Variants in ARHGAP15 observed in about 807,000 individuals in gnomAD.
The protein encoded by ARHGAP15 is Rho GTPase activating protein 15.
Under a neutral mutation model 63.7 loss-of-function variants are expected in ARHGAP15, and 51 were observed. That is an observed-to-expected ratio of 0.80 (90% CI 0.64 to 1.01). ARHGAP15 has a LOEUF of 1.01. ARHGAP15 is among the 50% of genes least tolerant of loss of function. The probability of loss-of-function intolerance (pLI) is 0.00; values close to 1 mark genes in which losing one functional copy is unlikely to be tolerated. For synonymous variants in ARHGAP15, 191 were observed against 193.8 expected, an observed-to-expected ratio of 0.99 and a Z score of 0.12; for missense variants, 560 against 564.6, an observed-to-expected ratio of 0.99 and a Z score of 0.08.
rs1318414488 is a variant in ARHGAP15, at chr2:143,250,782, A to T, written c.474+182A>T. 3.3e-5 allele frequency among the ~76,000 whole-genome samples: 5 copies of T among 152,074 alleles called. No individual in the cohort carries two copies. In the East Asian group the frequency reaches 9.6e-4, roughly 29 times the overall value. ...TGGTTTTGTTGCTTTTTTTCTGGCGACTGGTTGCTATCTAAACACAAAATG... is the reference window on the plus strand; with the variant it reads ...TGGTTTTGTTGCTTTTTTTCTGGCGTCTGGTTGCTATCTAAACACAAAATG... On this transcript the variant is annotated intron_variant, in intron 6 of 13. Coordinates refer to ENST00000295095, the MANE Select transcript of ARHGAP15 (RefSeq NM_018460.4).
intron 11 of ARHGAP15, among the ~76,000 whole-genome samples, chr2:143,619,973 G>A (rs563114133): frequency 3.3e-5 from 5 of 152,244 alleles, no homozygotes; most frequent in Non-Finnish European, 5.9e-5. Flanking sequence ...TGTTGATCCC[G>A]TTCAAGAAAC....
At chr2:143,703,076 G>GTCAC (rs1322403100) in intron 12 of ARHGAP15, among the ~76,000 whole-genome samples, 1 of 152,202 alleles carries the variant, frequency 6.6e-6, no homozygotes, top group Non-Finnish European at 1.5e-5. Flanking sequence ...AGATCAGGAA[G>GTCAC]ATAATGTCAA....
Position 143,318,092 on chromosome 2 carries a change from G to A in ARHGAP15, c.474+67492G>A, listed in dbSNP as rs757112041. On this transcript the variant is annotated intron_variant, in intron 6 of 13. Transcript: ENST00000295095. The stretch of plus-strand genomic sequence containing the variant: ...CAGCTCAATGCAACCTCCGCCTCCC[G>A]GGTTCAAGCAATTCTCTTGCCCCAG... Among the ~76,000 whole-genome samples the A allele has an allele frequency of 2.5e-4, 38 of 151,744 alleles. 1 individual carries two copies. Among genetic ancestry groups the A allele is most frequent in the Non-Finnish European group, 2.9e-5 (2 of 67,954 alleles).
chr2:143,663,990 T>A (rs1004191381), intron 12 of ARHGAP15, among the ~76,000 whole-genome samples: 44 of 151,686 alleles, frequency 2.9e-4, no homozygotes, highest in African/African-American at 1.0e-3. Flanking sequence ...ACTGTCAACA[T>A]TAGACAGATC....
At chr2:143,220,210 A>T (rs1457428567) in intron 4 of ARHGAP15, among the ~76,000 whole-genome samples, 1 of 151,862 alleles carries the variant, frequency 6.6e-6, no homozygotes, top group Non-Finnish European at 1.5e-5. Context: ...GTTGCTTGTC[A>T]ATTTTTCTTT....
chr2:143,539,289 G>T (rs1694931324), intron 10 of ARHGAP15, among the ~76,000 whole-genome samples: 1 of 151,918 alleles, frequency 6.6e-6, no homozygotes, highest in Admixed American at 6.6e-5. Context: ...TATTAGTCTT[G>T]CTAGCGGTCT....
intron 2 of ARHGAP15, among the ~76,000 whole-genome samples, chr2:143,196,592 C>T (rs1473921601): frequency 6.6e-6 from 1 of 151,828 alleles, no homozygotes; most frequent in Non-Finnish European, 1.5e-5. Context: ...TGTCAGGGCC[C>T]CTTTTCTTTT....
chr2:143,557,736 ACT>A (rs1425033027), intron 11 of ARHGAP15, among the ~76,000 whole-genome samples: 4 of 152,078 alleles, frequency 2.6e-5, no homozygotes, highest in South Asian at 4.1e-4. Flanking sequence ...ATACATGTTA[ACT>A]CTCTGTACTT....
At chr2:143,491,908 T>C (rs1373431517) in intron 9 of ARHGAP15, among the ~76,000 whole-genome samples, 1 of 152,000 alleles carries the variant, frequency 6.6e-6, no homozygotes, top group African/African-American at 2.4e-5. Flanking sequence ...TGGAGATGGA[T>C]TCTCACTCTG....
At chr2:143,387,769 T>C (rs1687351246) in intron 6 of ARHGAP15, among the ~76,000 whole-genome samples, 1 of 151,420 alleles carries the variant, frequency 6.6e-6, no homozygotes, top group Non-Finnish European at 1.5e-5. Flanking sequence ...AGTTCTTAAC[T>C]GCTACTCCAG....
At chr2:143,473,053 C>A (rs565517766) in intron 8 of ARHGAP15, among the ~76,000 whole-genome samples, 3 of 152,140 alleles carry the variant, frequency 2.0e-5, no homozygotes, top group East Asian at 1.9e-4. Flanking sequence ...CAAACTAGAA[C>A]GTGAAGACCC....
chr2:143,281,150 G>T (rs981370807), intron 6 of ARHGAP15, among the ~76,000 whole-genome samples: 3 of 152,110 alleles, frequency 2.0e-5, no homozygotes, highest in African/African-American at 7.2e-5. Flanking sequence ...AGTGGTAAAA[G>T]ACAGGCCCAG....
At chr2:143,429,293 TG>T (rs139472182) in intron 6 of ARHGAP15, among the ~76,000 whole-genome samples, 114 of 149,624 alleles carry the variant, frequency 7.6e-4, no homozygotes, top group African/African-American at 2.7e-3. Flanking sequence ...AAAGTTAGAG[TG>T]GGCAAGTAAT....
chr2:143,153,768 A>G (rs894443508), intron 1 of ARHGAP15, among the ~76,000 whole-genome samples: 13 of 150,668 alleles, frequency 8.6e-5, no homozygotes, highest in African/African-American at 2.4e-4. Flanking sequence ...AAATGAAATT[A>G]TATAATAAAT....
At chr2:143,457,168 T>G (rs1034551961) in intron 8 of ARHGAP15, among the ~76,000 whole-genome samples, 7 of 152,168 alleles carry the variant, frequency 4.6e-5, no homozygotes, top group African/African-American at 1.7e-4. Context: ...ATTTAACAGA[T>G]TCTGTTCAGA....
intron 6 of ARHGAP15, among the ~76,000 whole-genome samples, chr2:143,369,999 C>T (rs1397741111): frequency 6.6e-6 from 1 of 152,064 alleles, no homozygotes; most frequent in Non-Finnish European, 1.5e-5. Flanking sequence ...ATTATGCTGT[C>T]ATAAGGTAGC....
At chr2:143,577,774 C>A (rs1378142255) in intron 11 of ARHGAP15, among the ~76,000 whole-genome samples, 2 of 152,136 alleles carry the variant, frequency 1.3e-5, no homozygotes, top group East Asian at 3.8e-4. Context: ...AACAAGGTAA[C>A]AAGCCCCCTA....
intron 6 of ARHGAP15, among the ~76,000 whole-genome samples, chr2:143,258,650 T>C (rs1558848084): frequency 6.6e-6 from 1 of 152,132 alleles, no homozygotes; most frequent in Non-Finnish European, 1.5e-5. Context: ...AGAGGTGGCC[T>C]AAGTGAAACA....
At chr2:143,509,070 G>C (rs1693455349) in intron 9 of ARHGAP15, among the ~76,000 whole-genome samples, 1 of 152,188 alleles carries the variant, frequency 6.6e-6, no homozygotes, top group African/African-American at 2.4e-5. Flanking sequence ...TAAATGTCCA[G>C]CTTCATTTGA....
Sources: gnomAD v4.1 joint callset for allele counts (sites outside exome capture counted in the v4.1 genomes callset) on GRCh38, gnomAD v4.1.1 for gene constraint, MANE v1.5 for transcripts, NCBI Gene and HGNC (gene_info 2026-07-23, HGNC 2026-07-21) for gene names.